SCYL3: variants seen among roughly 807,000 people sequenced by gnomAD.
SCYL3 encodes protein-associating with the carboxyl-terminal domain of ezrin.
SCYL3 carries 35 observed loss-of-function variants against 73.8 expected under a neutral mutation model. The observed-to-expected ratio is 0.47, with a 90% CI of 0.36 to 0.63. The LOEUF is 0.63. Ranked by LOEUF, SCYL3 falls within the 20% of genes least tolerant of loss-of-function variation. SCYL3 has a pLI of 0.00. For missense variants in SCYL3, 712 were observed against 798.9 expected (o/e 0.89, Z 1.31); for synonymous variants, 277 against 295.2 (o/e 0.94, Z 0.63).
At chr1:169,879,470 C>CA (rs1661090416) in intron 2 of SCYL3, among the ~76,000 whole-genome samples, 1 of 152,146 alleles carries the variant, frequency 6.6e-6, no homozygotes, top group East Asian at 1.9e-4. Context: ...ACCAGCAGAG[C>CA]AAAGTTTTGA....
intron 12 of SCYL3, 126 bp downstream of exon 12, chr1:169,854,144 G>GTTAA (rs1444993250): frequency 2.0e-5 from 14 of 713,112 alleles, no homozygotes; most frequent in Non-Finnish European, 3.0e-5. Context: ...AACTGATTTT[G>GTTAA]TTAATTTTGT....
In SCYL3 at chr1:169,850,321, CA is replaced by C. The variant is rs1657959767; in HGVS notation, c.*3391del. On this transcript the variant is annotated 3_prime_UTR_variant, in exon 13 of 13. Coordinates refer to ENST00000367771, the MANE Select transcript of SCYL3 (RefSeq NM_020423.7). Reference sequence around the variant, plus strand: ...GTCTCAGTTCTGAAGAAACTAAGAACAAAGTTGTATCCTTTCTGGAGAAGGT... The same window carrying C: ...GTCTCAGTTCTGAAGAAACTAAGAACAAGTTGTATCCTTTCTGGAGAAGGT... 6.2e-7 allele frequency: 1 copy of C among 1,608,356 alleles called. No homozygotes were observed. Among genetic ancestry groups the C allele is most frequent in the Non-Finnish European group, 8.5e-7 (1 of 1,175,152 alleles).
Position 169,853,312 on chromosome 1 carries a change from A to G in SCYL3, c.*401T>C, listed in dbSNP as rs1018325974. The G allele has an allele frequency of 2.2e-4, 75 of 339,506 alleles. No homozygotes were observed. The East Asian group carries it at 3.2e-3, about 14-fold the overall frequency. 21.0% of individuals were successfully genotyped at this position (339,506 alleles called of 1,614,324 possible). A position where few individuals can be genotyped will look rare whatever the true frequency, so the allele number is the denominator to read the frequency against. ...ATATAATTTATAGCTAAAATTTTTTAAAGTTGTATTTCATAATAGAGCTTA... is the reference window on the plus strand; with the variant it reads ...ATATAATTTATAGCTAAAATTTTTTGAAGTTGTATTTCATAATAGAGCTTA... On this transcript the variant is annotated 3_prime_UTR_variant, in exon 13 of 13. Coordinates refer to ENST00000367771, the MANE Select transcript of SCYL3 (RefSeq NM_020423.7).
chr1:169,890,154 C>T (rs1327185226), intron 1 of SCYL3, among the ~76,000 whole-genome samples: 1 of 152,230 alleles, frequency 6.6e-6, no homozygotes, highest in Non-Finnish European at 1.5e-5. Context: ...GAGTTCCAAC[C>T]AGGACTGCAG....
chr1:169,867,092 T>G (rs1455276439), intron 7 of SCYL3, 119 bp from the exon 8 acceptor site: 1 of 610,346 alleles, frequency 1.6e-6, no homozygotes, highest in Non-Finnish European at 2.9e-6. Context: ...CCTTTGCCAT[T>G]TAAAGATTCT....
At chr1:169,892,517 C>T (rs932524141) in intron 1 of SCYL3, among the ~76,000 whole-genome samples, 1 of 152,080 alleles carries the variant, frequency 6.6e-6, no homozygotes, top group Non-Finnish European at 1.5e-5. Flanking sequence ...GTTTTGAGGA[C>T]GGGGAAAACA....
intron 10 of SCYL3, among the ~76,000 whole-genome samples, chr1:169,861,701 AATCT>A (rs976217876): frequency 6.6e-6 from 1 of 152,204 alleles, no homozygotes; most frequent in Admixed American, 6.5e-5. Context: ...AGAGAATGTT[AATCT>A]ATCTCATAGG....
At position 169,876,958 on chromosome 1, in the gene SCYL3, T is replaced by TAA. The variant is rs61051062; in HGVS notation, c.352-869_352-868dup. On this transcript the variant is annotated intron_variant, in intron 3 of 12. Transcript: ENST00000367771. The stretch of plus-strand genomic sequence containing the variant: ...CGACAGAGTGAGACCTTGTCTCAAA[T>TAA]AAAAAAAAAAAAAAAAAAAAAAAAA... Among the ~76,000 whole-genome samples the TAA allele has an allele frequency of 6.8e-4, 52 of 76,388 alleles. 3 individuals are homozygous for TAA. Among genetic ancestry groups the TAA allele is most frequent in the African/African-American group, 1.1e-3 (21 of 18,936 alleles). 50.1% of individuals were successfully genotyped at this position (76,388 alleles called of 152,430 possible).
At chr1:169,855,086 A>C (rs1364310542) in intron 11 of SCYL3, 122 bp from the exon 12 acceptor site, 2 of 675,924 alleles carry the variant, frequency 3.0e-6, no homozygotes, top group African/African-American at 3.6e-5. Context: ...ATCCATGCAT[A>C]CTAAACAAAA....
At chr1:169,881,730 G>A (rs1198060829) in intron 2 of SCYL3, among the ~76,000 whole-genome samples, 4 of 152,094 alleles carry the variant, frequency 2.6e-5, no homozygotes, top group African/African-American at 4.8e-5. Context: ...TTAACACAGC[G>A]GTCCCCAACC....
intron 10 of SCYL3, among the ~76,000 whole-genome samples, chr1:169,861,137 T>C (rs57868479): frequency 0.033 from 4,987 of 152,274 alleles, 252 homozygotes; most frequent in East Asian, 0.22. Context: ...AAGTGCTATG[T>C]TGTAGTTACT....
At chr1:169,878,879 T>C (rs1661049446) in intron 2 of SCYL3, 60 bp from the exon 3 acceptor site, 1 of 1,439,604 alleles carries the variant, frequency 6.9e-7, no homozygotes, top group South Asian at 1.3e-5. Context: ...TATAGTTTCA[T>C]ATACATTATG....
chr1:169,859,927 A>G (rs754980546), intron 10 of SCYL3: 2 of 152,420 alleles, frequency 1.3e-5, no homozygotes, highest in Non-Finnish European at 2.9e-5. Context: ...GGTTGCCTAA[A>G]GAGGGGTGAA....
chr1:169,882,129 A>G (rs940377731), intron 2 of SCYL3, among the ~76,000 whole-genome samples: 1 of 152,008 alleles, frequency 6.6e-6, no homozygotes, highest in African/African-American at 2.4e-5. Flanking sequence ...GCGAGCGGGA[A>G]CTGGGGCTGC....
At chr1:169,876,555 C>T (rs2102185307) in intron 3 of SCYL3, among the ~76,000 whole-genome samples, 1 of 152,306 alleles carries the variant, frequency 6.6e-6, no homozygotes, top group Non-Finnish European at 1.5e-5. Flanking sequence ...TTCTCACCCA[C>T]ATTCTATCAC....
intron 11 of SCYL3, chr1:169,855,906 A>C: frequency 6.2e-7 from 1 of 1,613,996 alleles, no homozygotes; most frequent in South Asian, 1.1e-5. Context: ...GGGGTTCTCC[A>C]AGATTGGCGA....
intron 10 of SCYL3, among the ~76,000 whole-genome samples, chr1:169,861,471 A>C (rs1659645878): frequency 6.6e-6 from 1 of 152,206 alleles, no homozygotes; most frequent in Non-Finnish European, 1.5e-5. Context: ...ACCCCTTCCA[A>C]GATACCAAGG....
intron 10 of SCYL3, 122 bp downstream of exon 10, chr1:169,862,491 G>A: frequency 1.0e-6 from 1 of 1,002,250 alleles, no homozygotes; most frequent in South Asian, 1.6e-5. Context: ...TCAGCACTTT[G>A]TATTCCACAG....
In SCYL3 at chr1:169,849,732, A is replaced by G. The variant is rs1488925281; in HGVS notation, c.*3981T>C. 4 of 682,582 alleles carry G rather than the reference A, an allele frequency of 5.9e-6. No homozygotes were observed. The highest frequency in any genetic ancestry group is 9.9e-6 in the Non-Finnish European group (4 of 402,426). The allele number at this position is 682,582 out of a possible 1,614,324, so 42.3% of individuals were successfully genotyped here. ...AATCGGAAAATTGTCTGAAGGGTAC[A>G]TTACTCGTTATCTCTTTTACAGCTT... On this transcript the variant is annotated 3_prime_UTR_variant, in exon 13 of 13. Transcript: ENST00000367771.
Sources: gnomAD v4.1 joint callset for allele counts (sites outside exome capture counted in the v4.1 genomes callset) on GRCh38, gnomAD v4.1.1 for gene constraint, MANE v1.5 for transcripts, NCBI Gene and HGNC (gene_info 2026-07-23, HGNC 2026-07-21) for gene names.